SYT1: variants seen among roughly 807,000 people sequenced by gnomAD.
The protein encoded by SYT1 is synaptotagmin-1.
SYT1 carries 8 observed loss-of-function variants against 44.8 expected under a neutral mutation model. The ratio of observed to expected loss-of-function variants is 0.18; its 90% CI spans 0.10 to 0.32. The LOEUF (loss-of-function observed/expected upper bound fraction) is 0.32. Ranked by LOEUF, SYT1 falls within the 10% of genes least tolerant of loss-of-function variation. The probability of loss-of-function intolerance (pLI) is 1.00; values close to 1 mark genes in which losing one functional copy is unlikely to be tolerated. For synonymous variants in SYT1, 154 were observed against 188.8 expected (o/e 0.82, Z 1.51); for missense variants, 286 against 509.3 (o/e 0.56, Z 4.22).
chr12:79,427,506 A>C (rs12228474), intron 9 of SYT1, among the ~76,000 whole-genome samples: 8,230 of 152,304 alleles, frequency 0.054, 536 homozygotes, highest in East Asian at 0.2. Flanking sequence ...GAAAACAATA[A>C]AAACGGAAAT....
chr12:79,227,745 A>T (rs1390554207), intron 4 of SYT1, among the ~76,000 whole-genome samples: 1 of 152,188 alleles, frequency 6.6e-6, no homozygotes, highest in East Asian at 1.9e-4. Context: ...TACTCCCATC[A>T]TAGGGTTGTT....
At chr12:79,281,955 C>G (rs1407412393) in intron 4 of SYT1, among the ~76,000 whole-genome samples, 1 of 152,138 alleles carries the variant, frequency 6.6e-6, no homozygotes, top group Non-Finnish European at 1.5e-5. Flanking sequence ...GGGGAGAATC[C>G]ATTTCCCTGC....
At chr12:78,913,477 T>G (rs1257816111) in intron 1 of SYT1, among the ~76,000 whole-genome samples, 1 of 151,780 alleles carries the variant, frequency 6.6e-6, no homozygotes, top group Non-Finnish European at 1.5e-5. Flanking sequence ...TCATAATGAT[T>G]TAAAATCCAT....
intron 9 of SYT1, among the ~76,000 whole-genome samples, chr12:79,388,975 A>G (rs1413426734): frequency 6.6e-6 from 1 of 152,200 alleles, no homozygotes; most frequent in Non-Finnish European, 1.5e-5. Flanking sequence ...TTTGAATGTC[A>G]TTAAGGATGA....
At chr12:78,954,528 C>T (rs1333530912) in intron 1 of SYT1, among the ~76,000 whole-genome samples, 2 of 150,092 alleles carry the variant, frequency 1.3e-5, no homozygotes, top group African/African-American at 4.9e-5. Context: ...CATGGAACAT[C>T]AGAGAGAGAG....
intron 5 of SYT1, among the ~76,000 whole-genome samples, chr12:79,286,557 A>T (rs548653791): frequency 2.4e-4 from 36 of 152,274 alleles, no homozygotes; most frequent in African/African-American, 8.7e-4. Flanking sequence ...TTTCTTTCTT[A>T]TTTCTTATAA....
intron 3 of SYT1, among the ~76,000 whole-genome samples, chr12:79,116,596 G>C (rs1879291972): frequency 6.6e-6 from 1 of 152,160 alleles, no homozygotes; most frequent in Non-Finnish European, 1.5e-5. Context: ...AAAGTCCAAA[G>C]TGAATGCTTT....
In SYT1 at chr12:79,179,405, G is replaced by GATATAGATATATCGATATAGATATATCC. The variant is rs1872297098; in HGVS notation, c.-17-38087_-17-38086insTCGATATAGATATATCCATATAGATATA. On this transcript the variant is annotated intron_variant, in intron 3 of 10. Transcript: ENST00000261205. ...ATATATCGATATAGATATCCATATA[G>GATATAGATATATCGATATAGATATATCC]ATATAGATATAGATATATCTATATA... Among the ~76,000 whole-genome samples, 10 of 128,418 alleles carry GATATAGATATATCGATATAGATATATCC rather than the reference G, an allele frequency of 7.8e-5. 1 individual carries two copies. The highest frequency in any genetic ancestry group is 3.2e-4 in the African/African-American group (10 of 31,718). The allele number at this position is 128,418 out of a possible 152,430, so 84.2% of individuals were successfully genotyped here. A position where few individuals can be genotyped will look rare whatever the true frequency, so the allele number is the denominator to read the frequency against.
intron 1 of SYT1, among the ~76,000 whole-genome samples, chr12:78,937,991 A>ATG (rs1785653736): frequency 6.6e-6 from 1 of 152,158 alleles, no homozygotes; most frequent in Admixed American, 6.5e-5. Flanking sequence ...TGCAATGCTT[A>ATG]CCATACAAAG....
In SYT1 at chr12:79,125,637, GAAAA is replaced by G. The variant is rs575744028; in HGVS notation, c.-18+78281_-18+78284del. ...CCTGTCAAAAAAAAAAAGAAAAAAA[GAAAA>G]AAAAAGAAAAGAGCTCAGAGTTCTC... On this transcript the variant is annotated intron_variant, in intron 3 of 10. Coordinates refer to ENST00000261205, the MANE Select transcript of SYT1 (RefSeq NM_005639.3). 9.5e-3 allele frequency among the ~76,000 whole-genome samples: 1,319 copies of G among 138,180 alleles called. 12 individuals are homozygous for G. Among genetic ancestry groups the G allele is most frequent in the Non-Finnish European group, 0.016 (995 of 62,470 alleles). The allele number at this position is 138,180 out of a possible 152,430, so 90.7% of individuals were successfully genotyped here.
intron 3 of SYT1, among the ~76,000 whole-genome samples, chr12:79,204,304 C>T (rs1873968883): frequency 6.6e-6 from 1 of 152,242 alleles, no homozygotes; most frequent in Non-Finnish European, 1.5e-5. Context: ...CTATTTACCT[C>T]AGTCTGAACT....
At chr12:79,128,354 C>G (rs1868576679) in intron 3 of SYT1, among the ~76,000 whole-genome samples, 1 of 152,062 alleles carries the variant, frequency 6.6e-6, no homozygotes. Context: ...AGCACTCCAG[C>G]CTGGGTGACA....
At chr12:79,145,258 C>T (rs991502814) in intron 3 of SYT1, among the ~76,000 whole-genome samples, 7 of 152,132 alleles carry the variant, frequency 4.6e-5, no homozygotes, top group African/African-American at 1.7e-4. Context: ...TTATAAATCT[C>T]TATAGCTTTG....
chr12:79,240,296 C>T (rs1876427476), intron 4 of SYT1, among the ~76,000 whole-genome samples: 1 of 152,166 alleles, frequency 6.6e-6, no homozygotes, highest in Admixed American at 6.5e-5. Context: ...CTATTTTTTA[C>T]AAAATTTAAA....
intron 3 of SYT1, among the ~76,000 whole-genome samples, chr12:79,082,592 A>G (rs1185364123): frequency 1.3e-5 from 2 of 152,342 alleles, no homozygotes; most frequent in African/African-American, 2.4e-5. Context: ...TAAGTTGAGC[A>G]GTGATGGAAA....
intron 3 of SYT1, among the ~76,000 whole-genome samples, chr12:79,066,116 A>T (rs73353532): frequency 0.019 from 2,863 of 152,222 alleles, 85 homozygotes; most frequent in African/African-American, 0.064. Flanking sequence ...TCTACACTAC[A>T]CACATATCAT....
At chr12:79,047,151 T>C (rs1454401539) in intron 2 of SYT1, 146 bp from the exon 3 acceptor site, 1 of 151,614 alleles carries the variant, frequency 6.6e-6, no homozygotes, top group East Asian at 1.9e-4. Context: ...ATACTAAATA[T>C]GGATATATAT....
At chr12:79,285,681 C>G in intron 4 of SYT1, 106 bp from the exon 5 acceptor site, 1 of 807,454 alleles carries the variant, frequency 1.2e-6, no homozygotes, top group East Asian at 2.6e-5. Context: ...ATAACAGGTG[C>G]TCAAAAATGC....
At chr12:79,276,934 GAGA>G (rs957902655) in intron 4 of SYT1, among the ~76,000 whole-genome samples, 46 of 148,526 alleles carry the variant, frequency 3.1e-4, no homozygotes, top group Non-Finnish European at 4.7e-4. Flanking sequence ...ATGAAGGAAG[GAGA>G]AGAAGAAGAA....
Sources: gnomAD v4.1 joint callset for allele counts (sites outside exome capture counted in the v4.1 genomes callset) on GRCh38, gnomAD v4.1.1 for gene constraint, MANE v1.5 for transcripts, NCBI Gene and HGNC (gene_info 2026-07-23, HGNC 2026-07-21) for gene names.